RYR3: variants seen among roughly 807,000 people sequenced by gnomAD.
RYR3 encodes brain ryanodine receptor-calcium release channel.
Under a neutral mutation model 584.3 loss-of-function variants are expected in RYR3, and 207 were observed. That is an observed-to-expected ratio of 0.35 (90% confidence interval 0.32 to 0.40). RYR3 has a LOEUF of 0.40. RYR3 is among the 10% of genes least tolerant of loss of function. The pLI is 1.00. For missense variants in RYR3, 5,616 were observed against 6,089.2 expected, an observed-to-expected ratio of 0.92 and a Z score of 2.59; for synonymous variants, 2,416 against 2,248.5, an observed-to-expected ratio of 1.07 and a Z score of -2.11.
intron 45 of RYR3, among the ~76,000 whole-genome samples, chr15:33,725,697 C>T (rs572837828): frequency 4.2e-4 from 64 of 151,688 alleles, no homozygotes; most frequent in Admixed American, 3.1e-3. Context: ...TGGTGGTTTA[C>T]GCCTGTGATC....
chr15:33,852,810 G>A (rs745509863), intron 94 of RYR3: 1 of 427,654 alleles, frequency 2.3e-6, no homozygotes, highest in Non-Finnish European at 4.3e-6. Flanking sequence ...TTCTGAGGCA[G>A]AAACTGCCCA....
intron 40 of RYR3, 41 bp downstream of exon 40, chr15:33,698,037 A>G: frequency 7.1e-7 from 1 of 1,407,298 alleles, no homozygotes; most frequent in Non-Finnish European, 1.0e-6. Context: ...TTGTCCCTTG[A>G]GGCAGGAGCA....
intron 1 of RYR3, among the ~76,000 whole-genome samples, chr15:33,435,101 T>A (rs1431406187): frequency 6.6e-6 from 1 of 152,176 alleles, no homozygotes; most frequent in Non-Finnish European, 1.5e-5. Context: ...ATTACAGGCG[T>A]GAGCCACCGT....
chr15:33,858,205 CATT>C (rs1344540796), intron 99 of RYR3: 3 of 328,368 alleles, frequency 9.1e-6, no homozygotes, highest in South Asian at 7.2e-5. Context: ...AAAGATGAGA[CATT>C]ATTTTATTTT....
chr15:33,447,114 A>G (rs2046732811), intron 1 of RYR3, among the ~76,000 whole-genome samples: 1 of 152,248 alleles, frequency 6.6e-6, no homozygotes, highest in Non-Finnish European at 1.5e-5. Context: ...AGCCTGGCGT[A>G]GTATAAGTGC....
At chr15:33,856,667 T>G (rs1365749686) in intron 98 of RYR3, 1 of 156,794 alleles carries the variant, frequency 6.4e-6, no homozygotes, top group Non-Finnish European at 1.4e-5. Context: ...TGTTTGTTTG[T>G]TTGTTTTTTT....
chr15:33,348,379 T>G (rs1363990976), intron 1 of RYR3, among the ~76,000 whole-genome samples: 1 of 152,230 alleles, frequency 6.6e-6, no homozygotes, highest in Admixed American at 6.5e-5. Context: ...CTCTCTCACT[T>G]CAGTGAGGTT....
intron 1 of RYR3, among the ~76,000 whole-genome samples, chr15:33,315,947 T>G (rs1329988475): frequency 1.3e-5 from 2 of 152,236 alleles, no homozygotes; most frequent in Non-Finnish European, 2.9e-5. Context: ...AGGTTTGCAG[T>G]TGAAGAATGT....
At chr15:33,510,023 T>C (rs758427789) in intron 3 of RYR3, among the ~76,000 whole-genome samples, 6 of 152,318 alleles carry the variant, frequency 3.9e-5, no homozygotes, top group Non-Finnish European at 7.3e-5. Context: ...CCACACCTGC[T>C]GCAAAAATAA....
At chr15:33,435,179 C>T (rs2141795008) in intron 1 of RYR3, among the ~76,000 whole-genome samples, 1 of 152,262 alleles carries the variant, frequency 6.6e-6, no homozygotes, top group Non-Finnish European at 1.5e-5. Context: ...AAATTTGTAT[C>T]ACTAGGGCTT....
At chr15:33,861,037 T>C (rs1179779678) in intron 101 of RYR3, 41 bp from the exon 102 acceptor site, 2 of 1,409,060 alleles carry the variant, frequency 1.4e-6, no homozygotes, top group Admixed American at 3.9e-5. Flanking sequence ...CCTGCCTATA[T>C]TATGCCAACA....
At chr15:33,636,308 G>A (rs2061496934) in intron 26 of RYR3, 68 bp from the exon 27 acceptor site, 2 of 1,357,886 alleles carry the variant, frequency 1.5e-6, no homozygotes, top group Non-Finnish European at 2.1e-6. Flanking sequence ...CGAAGATATG[G>A]TCATTTCTCC....
intron 18 of RYR3, among the ~76,000 whole-genome samples, chr15:33,604,509 A>G (rs1862064992): frequency 6.6e-6 from 1 of 152,216 alleles, no homozygotes; most frequent in Admixed American, 6.5e-5. Context: ...TGCTGTAAAC[A>G]TTTATTTGTA....
At chr15:33,499,233 C>A (rs1055630267) in intron 2 of RYR3, among the ~76,000 whole-genome samples, 1 of 150,458 alleles carries the variant, frequency 6.6e-6, no homozygotes, top group Non-Finnish European at 1.5e-5. Flanking sequence ...CCATTTTCTA[C>A]CCCTCTTTAC....
chr15:33,649,229 A>C lies in RYR3; in HGVS notation c.4136A>C (p.His1379Pro). ...CTAGGGGATGAAAGAGGCCGGGTCC[A>C]TGAAAGGTAAGGGGGCTCCCAAGTG... ...VTLGDERGRV[H>P]ESVKRSNCYM... Residue 1379 changes from histidine to proline, a missense_variant, in exon 31 of 104, where the codon CAT (histidine) becomes CCT (proline). Physicochemically the swap from His to Pro is moderately conservative, Grantham distance 77. Transcript: ENST00000634891. 3 of 1,611,986 alleles carry C rather than the reference A, an allele frequency of 1.9e-6. No homozygotes were observed. Among genetic ancestry groups the C allele is most frequent in the Non-Finnish European group, 2.5e-6 (3 of 1,179,468 alleles).
intron 1 of RYR3, among the ~76,000 whole-genome samples, chr15:33,463,492 A>G (rs1044947038): frequency 6.6e-6 from 1 of 152,132 alleles, no homozygotes; most frequent in African/African-American, 2.4e-5. Flanking sequence ...TAGCAACTAG[A>G]TCATTATTTT....
chr15:33,533,524 G>A (rs1234475996), intron 5 of RYR3, 135 bp downstream of exon 5: 4 of 607,122 alleles, frequency 6.6e-6, no homozygotes, highest in Non-Finnish European at 1.2e-5. Context: ...AAAAAAAATT[G>A]CAGAATAATG....
At chr15:33,772,855 C>T (rs1396798668) in intron 63 of RYR3, among the ~76,000 whole-genome samples, 1 of 152,176 alleles carries the variant, frequency 6.6e-6, no homozygotes, top group Non-Finnish European at 1.5e-5. Context: ...GCCATAGAAA[C>T]AGTGCAGTTC....
chr15:33,688,276 G>T (rs973119233), intron 38 of RYR3, among the ~76,000 whole-genome samples: 3 of 152,088 alleles, frequency 2.0e-5, no homozygotes, highest in African/African-American at 7.2e-5. Context: ...CTTCTCAAAA[G>T]AAGACATTTA....
Sources: gnomAD v4.1 joint callset for allele counts (sites outside exome capture counted in the v4.1 genomes callset) on GRCh38, gnomAD v4.1.1 for gene constraint, MANE v1.5 for transcripts, NCBI Gene and HGNC (gene_info 2026-07-23, HGNC 2026-07-21) for gene names.